Variants in MARCHF10 observed in about 807,000 individuals in gnomAD.
MARCHF10 encodes the protein probable E3 ubiquitin-protein ligase MARCHF10.
Under a neutral mutation model 76.2 loss-of-function variants are expected in MARCHF10, and 64 were observed. That is an observed-to-expected ratio of 0.84 (90% CI 0.69 to 1.03). The LOEUF is 1.03. Among genes scored for constraint, MARCHF10 ranks in the 50% least tolerant of loss-of-function variants. The pLI is 0.00. For missense variants in MARCHF10, 875 were observed against 958.0 expected, an observed-to-expected ratio of 0.91 and a Z score of 1.14; for synonymous variants, 340 against 357.5, an observed-to-expected ratio of 0.95 and a Z score of 0.55.
intron 2 of MARCHF10, among the ~76,000 whole-genome samples, chr17:62,794,374 A>G (rs190188530): frequency 1.3e-5 from 2 of 152,300 alleles, no homozygotes; most frequent in East Asian, 3.9e-4. Context: ...GTTTACTTCT[A>G]TATTTCTAAA....
chr17:62,710,846 C>A (rs897531658), intron 9 of MARCHF10, among the ~76,000 whole-genome samples: 2 of 152,170 alleles, frequency 1.3e-5, no homozygotes, highest in African/African-American at 4.8e-5. Flanking sequence ...CAGGCATGAG[C>A]CATCACACCC....
chr17:62,801,022 A>ATTT, intron 2 of MARCHF10, among the ~76,000 whole-genome samples: 1 of 152,306 alleles, frequency 6.6e-6, no homozygotes, highest in East Asian at 1.9e-4. Flanking sequence ...GGTTTGTCAA[A>ATTT]TTTAAGCCCT....
Position 62,711,181 on chromosome 17 carries a change from A to G in MARCHF10, c.2328+50T>C. The G allele has an allele frequency of 1.3e-6, 2 of 1,494,856 alleles. No individual in the cohort carries two copies. Among genetic ancestry groups the G allele is most frequent in the Non-Finnish European group, 1.9e-6 (2 of 1,072,568 alleles). 92.6% of individuals were successfully genotyped at this position (1,494,856 alleles called of 1,614,324 possible). A position where few individuals can be genotyped will look rare whatever the true frequency, so the allele number is the denominator to read the frequency against. ...TTGCACATCTAATAAACAGCACTGC[A>G]GGGTTTTCAGGGCTGCCACCGGACA... On this transcript the variant is annotated intron_variant, in intron 9 of 10. Coordinates refer to ENST00000311269, the MANE Select transcript of MARCHF10 (RefSeq NM_152598.4). The surrounding 1 kb of genome is among the most constrained non-coding windows in gnomAD (Gnocchi z 4.4).
chr17:62,780,906 C>T (rs1247826106), intron 3 of MARCHF10: 1 of 152,108 alleles, frequency 6.6e-6, no homozygotes, highest in African/African-American at 2.4e-5. Flanking sequence ...GGGCTCCTGT[C>T]CCCTCTCTGT....
intron 6 of MARCHF10, among the ~76,000 whole-genome samples, chr17:62,729,320 C>T (rs184539888): frequency 2.6e-5 from 4 of 151,640 alleles, no homozygotes; most frequent in East Asian, 1.9e-4. Flanking sequence ...TTTTCTAATG[C>T]CATAGCATAT....
At chr17:62,717,545 C>T (rs369199192) in intron 8 of MARCHF10, among the ~76,000 whole-genome samples, 2 of 152,376 alleles carry the variant, frequency 1.3e-5, no homozygotes, top group South Asian at 4.1e-4. Flanking sequence ...TCTGGCTTCC[C>T]GTTGGGTTTG....
At chr17:62,795,459 C>A (rs1347136855) in intron 2 of MARCHF10, among the ~76,000 whole-genome samples, 2 of 151,002 alleles carry the variant, frequency 1.3e-5, no homozygotes, top group Admixed American at 6.6e-5. Context: ...ATACTAGTTA[C>A]CAGATTCTGA....
chr17:62,715,895 C>T (rs764489756), intron 8 of MARCHF10, among the ~76,000 whole-genome samples: 1 of 152,168 alleles, frequency 6.6e-6, no homozygotes, highest in Non-Finnish European at 1.5e-5. Flanking sequence ...GGTAGGAAAA[C>T]GTGCTCTGAC....
intron 2 of MARCHF10, among the ~76,000 whole-genome samples, chr17:62,800,684 T>A (rs115899511): frequency 0.011 from 1,672 of 152,304 alleles, 29 homozygotes; most frequent in African/African-American, 0.038. Flanking sequence ...CAGCCCAGGC[T>A]GAGGACGTGC....
At chr17:62,704,400 C>G (rs914632552) in intron 10 of MARCHF10, among the ~76,000 whole-genome samples, 2 of 152,194 alleles carry the variant, frequency 1.3e-5, no homozygotes, top group African/African-American at 4.8e-5. Flanking sequence ...CGCGGTTGCG[C>G]CCGGGCTGGG....
chr17:62,800,777 G>A (rs886813169), intron 2 of MARCHF10, among the ~76,000 whole-genome samples: 2 of 152,144 alleles, frequency 1.3e-5, no homozygotes, highest in South Asian at 2.1e-4. Context: ...CCACAACCTA[G>A]TCTGGCAAGT....
intron 2 of MARCHF10, among the ~76,000 whole-genome samples, chr17:62,789,583 T>C (rs2092807987): frequency 6.6e-6 from 1 of 152,202 alleles, no homozygotes; most frequent in Admixed American, 6.5e-5. Context: ...TTGAGAACCC[T>C]GAGAGTAAGG....
intron 10 of MARCHF10, among the ~76,000 whole-genome samples, chr17:62,702,848 C>T (rs371272109): frequency 6.6e-6 from 1 of 152,178 alleles, no homozygotes; most frequent in Non-Finnish European, 1.5e-5. Flanking sequence ...GTCCATCCTG[C>T]GCTTTCTCCA....
chr17:62,767,958 C>G (rs1188888239), intron 3 of MARCHF10, among the ~76,000 whole-genome samples: 1 of 152,130 alleles, frequency 6.6e-6, no homozygotes, highest in Non-Finnish European at 1.5e-5. Context: ...ATGTGTGCAG[C>G]CTCCACAGAG....
intron 1 of MARCHF10, among the ~76,000 whole-genome samples, chr17:62,802,314 G>T (rs1200952317): frequency 1.3e-5 from 2 of 152,086 alleles, no homozygotes; most frequent in Non-Finnish European, 2.9e-5. Flanking sequence ...CCGCCTCCCG[G>T]GTTCAAGCGA....
chr17:62,783,804 C>T (rs1464885174), intron 3 of MARCHF10, among the ~76,000 whole-genome samples: 1 of 152,176 alleles, frequency 6.6e-6, no homozygotes, highest in Non-Finnish European at 1.5e-5. Flanking sequence ...GACACATACA[C>T]CCTCCCAAGA....
intron 5 of MARCHF10, among the ~76,000 whole-genome samples, chr17:62,743,906 C>T (rs11079482): frequency 0.97 from 147,573 of 152,240 alleles, 71,571 homozygotes; most frequent in East Asian, 1. Context: ...AAGATCTCTG[C>T]TGGGAGGTGA....
intron 1 of MARCHF10, among the ~76,000 whole-genome samples, chr17:62,804,079 A>G (rs892564098): frequency 1.3e-5 from 2 of 152,188 alleles, no homozygotes; most frequent in South Asian, 4.1e-4. Flanking sequence ...CTCAGGACAG[A>G]AAGTCATCAG....
intron 2 of MARCHF10, among the ~76,000 whole-genome samples, chr17:62,789,552 G>A (rs2092807249): frequency 6.6e-6 from 1 of 152,140 alleles, no homozygotes; most frequent in Non-Finnish European, 1.5e-5. Context: ...GTGGTTTTGA[G>A]CCTGTTTCTC....
Sources: gnomAD v4.1 joint callset for allele counts (sites outside exome capture counted in the v4.1 genomes callset) on GRCh38, gnomAD v4.1.1 for gene constraint, Gnocchi (gnomAD v3.1) non-coding constraint, MANE v1.5 for transcripts, NCBI Gene and HGNC (gene_info 2026-07-23, HGNC 2026-07-21) for gene names.